The following ABTB3 variants were observed in gnomAD, a reference collection of about 807,000 sequenced individuals.
The protein encoded by ABTB3 is ankyrin repeat and BTB domain containing 3, also known as ankyrin repeat- and BTB/POZ domain-containing protein 3.
the ABTB3 span, among the ~76,000 whole-genome samples, chr12:107,589,022 G>A: frequency 6.6e-6 from 1 of 152,196 alleles, no homozygotes; most frequent in Non-Finnish European, 1.5e-5. Context: ...TACTCTCTGT[G>A]TGACTTTAGG....
chr12:107,373,976 G>T, the ABTB3 span, among the ~76,000 whole-genome samples: 1 of 152,164 alleles, frequency 6.6e-6, no homozygotes, highest in Non-Finnish European at 1.5e-5. Flanking sequence ...AGGACTTTCC[G>T]GTGGAACTGT....
the ABTB3 span, among the ~76,000 whole-genome samples, chr12:107,625,858 G>A: frequency 3.0e-4 from 46 of 152,286 alleles, no homozygotes; most frequent in African/African-American, 7.5e-4. Context: ...CAGGGGTGCC[G>A]TGTTGCAGCC....
At chr12:107,614,116 C>T in the ABTB3 span, among the ~76,000 whole-genome samples, 11 of 152,070 alleles carry the variant, frequency 7.2e-5, no homozygotes, top group African/African-American at 2.2e-4. Flanking sequence ...GCTTAGTGAA[C>T]CAAACTGCTC....
the ABTB3 span, among the ~76,000 whole-genome samples, chr12:107,361,550 A>C: frequency 2.0e-5 from 3 of 152,190 alleles, no homozygotes; most frequent in African/African-American, 7.2e-5. Flanking sequence ...TAAATTCCTA[A>C]ATGTGGAATT....
At chr12:107,427,868 G>A in the ABTB3 span, among the ~76,000 whole-genome samples, 1 of 152,218 alleles carries the variant, frequency 6.6e-6, no homozygotes, top group Admixed American at 6.5e-5. Flanking sequence ...GGTGGTATGA[G>A]CTCATGTGTT....
chr12:107,492,493 C>T, the ABTB3 span, among the ~76,000 whole-genome samples: 2 of 152,150 alleles, frequency 1.3e-5, no homozygotes, highest in Admixed American at 1.3e-4. Context: ...AAAGCTAGCA[C>T]CTTTCCTGCC....
chr12:107,404,378 G>A, the ABTB3 span, among the ~76,000 whole-genome samples: 7 of 151,984 alleles, frequency 4.6e-5, no homozygotes, highest in African/African-American at 1.2e-4. Context: ...CAAGGGGAGA[G>A]GGTCCAGAAA....
At chr12:107,625,683 AC>A in the ABTB3 span, among the ~76,000 whole-genome samples, 5 of 151,568 alleles carry the variant, frequency 3.3e-5, no homozygotes, top group Non-Finnish European at 7.4e-5. Context: ...GCATCCTCTA[AC>A]ACCACCCCAG....
the ABTB3 span, among the ~76,000 whole-genome samples, chr12:107,325,513 T>C: frequency 1.2e-4 from 19 of 152,236 alleles, no homozygotes; most frequent in Admixed American, 1.0e-3. Flanking sequence ...TGTGCAGACT[T>C]GCTAGTTCAG....
the ABTB3 span, chr12:107,581,275 C>G: frequency 9.5e-6 from 14 of 1,479,332 alleles, no homozygotes; most frequent in Middle Eastern, 2.4e-4. Context: ...TGCTGCTGCC[C>G]GGCGTGGACT....
the ABTB3 span, among the ~76,000 whole-genome samples, chr12:107,415,063 C>T: frequency 2.6e-5 from 4 of 152,146 alleles, no homozygotes; most frequent in Admixed American, 6.5e-5. Context: ...TCACAGCTTC[C>T]GTCTGAACTT....
the ABTB3 span, among the ~76,000 whole-genome samples, chr12:107,489,549 A>G: frequency 6.6e-6 from 1 of 151,994 alleles, no homozygotes; most frequent in South Asian, 2.1e-4. Flanking sequence ...AAACAAACAA[A>G]CAAAACGATT....
chr12:107,558,648 C>T, the ABTB3 span, among the ~76,000 whole-genome samples: 1 of 152,154 alleles, frequency 6.6e-6, no homozygotes, highest in Non-Finnish European at 1.5e-5. Flanking sequence ...ATTTGCTGAC[C>T]TGCGCCCCTG....
chr12:107,632,047 T>C, the ABTB3 span, among the ~76,000 whole-genome samples: 1 of 152,202 alleles, frequency 6.6e-6, no homozygotes, highest in Non-Finnish European at 1.5e-5. Context: ...CCCTTATATT[T>C]ACATTCTCAG....
At chr12:107,544,242 C>T in the ABTB3 span, 1 of 1,277,908 alleles carries the variant, frequency 7.8e-7, no homozygotes, top group Non-Finnish European at 1.1e-6. Flanking sequence ...GGACTCACTT[C>T]CTAAAACTTG....
the ABTB3 span, among the ~76,000 whole-genome samples, chr12:107,429,921 A>C: frequency 6.6e-6 from 1 of 152,226 alleles, no homozygotes; most frequent in Non-Finnish European, 1.5e-5. Flanking sequence ...TAAACATTGC[A>C]TCAACTTATT....
At chr12:107,389,681 A>G in the ABTB3 span, among the ~76,000 whole-genome samples, 2 of 152,214 alleles carry the variant, frequency 1.3e-5, no homozygotes, top group East Asian at 3.9e-4. Context: ...GACTGAGCTC[A>G]GCTGGATGGT....
chr12:107,631,092 T>C, the ABTB3 span, among the ~76,000 whole-genome samples: 2 of 152,188 alleles, frequency 1.3e-5, no homozygotes, highest in African/African-American at 2.4e-5. Context: ...CCTTGCCTCC[T>C]TCCTTCTCTC....
At chr12:107,523,408 AC>A in the ABTB3 span, among the ~76,000 whole-genome samples, 1 of 152,200 alleles carries the variant, frequency 6.6e-6, no homozygotes, top group South Asian at 2.1e-4. Context: ...TTTGGGAGTT[AC>A]AACACCTTTG....
Sources: allele counts gnomAD v4.1 joint callset (sites outside exome capture counted in the v4.1 genomes callset), GRCh38; gene constraint gnomAD v4.1.1; transcripts MANE v1.5; gene names NCBI Gene and HGNC (gene_info 2026-07-23, HGNC 2026-07-21).